TTC7B: variants seen among roughly 807,000 people sequenced by gnomAD.
The protein encoded by TTC7B is tetratricopeptide repeat domain 7B.
A neutral mutation model predicts 106.8 loss-of-function variants in TTC7B; 28 were observed. That is an observed-to-expected ratio of 0.26 (90% CI 0.19 to 0.36). The LOEUF (loss-of-function observed/expected upper bound fraction) is 0.36, where lower values mean the gene tolerates loss of function less well. Among genes scored for constraint, TTC7B ranks in the 10% least tolerant of loss-of-function variants. TTC7B has a pLI of 1.00. For synonymous variants in TTC7B, 405 were observed against 430.6 expected, an observed-to-expected ratio of 0.94 and a Z score of 0.74; for missense variants, 862 against 1,076.4, an observed-to-expected ratio of 0.80 and a Z score of 2.79.
intron 16 of TTC7B, among the ~76,000 whole-genome samples, chr14:90,616,041 A>G (rs748132454): frequency 1.3e-5 from 2 of 151,990 alleles, no homozygotes; most frequent in Non-Finnish European, 2.9e-5. Context: ...CAATTCTGCT[A>G]TTTTTTTCTC....
At chr14:90,606,229 C>A (rs1892633193) in intron 17 of TTC7B, among the ~76,000 whole-genome samples, 4 of 152,128 alleles carry the variant, frequency 2.6e-5, no homozygotes, top group Non-Finnish European at 5.9e-5. Flanking sequence ...ATGGTCCCAG[C>A]ATTATGACAA....
chr14:90,547,516 C>G (rs1889888440), intron 19 of TTC7B, among the ~76,000 whole-genome samples: 1 of 152,226 alleles, frequency 6.6e-6, no homozygotes, highest in African/African-American at 2.4e-5. Context: ...ACTTTGGAGG[C>G]TGGACACTGT....
At chr14:90,694,907 C>A in intron 6 of TTC7B, among the ~76,000 whole-genome samples, 1 of 49,396 alleles carries the variant, frequency 2.0e-5, no homozygotes, top group Non-Finnish European at 3.9e-5. Flanking sequence ...ATATATGTCA[C>A]ATATATTTAT....
intron 3 of TTC7B, among the ~76,000 whole-genome samples, chr14:90,746,482 A>G (rs1889972039): frequency 6.6e-6 from 1 of 152,156 alleles, no homozygotes; most frequent in Non-Finnish European, 1.5e-5. Flanking sequence ...TCAGAGGTTT[A>G]TCAATTTTAC....
intron 15 of TTC7B, among the ~76,000 whole-genome samples, chr14:90,629,972 G>A (rs1428209877): frequency 6.6e-6 from 1 of 152,204 alleles, no homozygotes. Context: ...TTAAACTGGG[G>A]GACACCAGTC....
chr14:90,735,683 A>G (rs1388010885), intron 4 of TTC7B, among the ~76,000 whole-genome samples: 1 of 151,794 alleles, frequency 6.6e-6, no homozygotes, highest in African/African-American at 2.4e-5. Context: ...ACACAGCGAA[A>G]CCTCATCACT....
At chr14:90,555,477 G>A (rs552526705) in intron 19 of TTC7B, among the ~76,000 whole-genome samples, 8 of 152,308 alleles carry the variant, frequency 5.3e-5, no homozygotes, top group South Asian at 2.1e-4. Context: ...TCGCGTGCAC[G>A]CTGAGGGGTG....
intron 1 of TTC7B, among the ~76,000 whole-genome samples, chr14:90,791,062 C>T (rs553344197): frequency 6.6e-6 from 1 of 152,270 alleles, no homozygotes; most frequent in East Asian, 1.9e-4. Flanking sequence ...GCACCCCCAC[C>T]ACAGGGAGAC....
At chr14:90,721,744 C>A (rs1312524329) in intron 5 of TTC7B, among the ~76,000 whole-genome samples, 1 of 152,132 alleles carries the variant, frequency 6.6e-6, no homozygotes. Context: ...AGTTGTGTGA[C>A]CCTGAAGAAA....
chr14:90,555,891 C>T (rs77939669), intron 19 of TTC7B, among the ~76,000 whole-genome samples: 258 of 152,368 alleles, frequency 1.7e-3, no homozygotes, highest in Middle Eastern at 0.01. Context: ...GTCCATGCAC[C>T]TGGGTGCTGC....
intron 3 of TTC7B, among the ~76,000 whole-genome samples, chr14:90,761,151 A>G (rs1890486641): frequency 6.6e-6 from 1 of 152,184 alleles, no homozygotes; most frequent in Non-Finnish European, 1.5e-5. Context: ...TGATAATAAC[A>G]CTTCCCCAAA....
At chr14:90,564,540 A>T (rs184186717) in intron 19 of TTC7B, among the ~76,000 whole-genome samples, 2 of 152,326 alleles carry the variant, frequency 1.3e-5, no homozygotes, top group Non-Finnish European at 2.9e-5. Flanking sequence ...GTAGCCAGGC[A>T]CTGACTTCTC....
chr14:90,643,276 C>T lies in TTC7B; in HGVS notation c.1751+772G>A, dbSNP rs187090391. 4.4e-3 allele frequency among the ~76,000 whole-genome samples: 676 copies of T among 151,960 alleles called. 5 individuals are homozygous for T. The highest frequency in any genetic ancestry group is 0.02 in the Admixed American group (308 of 15,260). On this transcript the variant is annotated intron_variant, in intron 15 of 19. Coordinates refer to ENST00000328459, the MANE Select transcript of TTC7B (RefSeq NM_001010854.2). ...ACAAAAAATTAGCTGGGTGTGGTGG[C>T]AGGCGCCTGTAGTCCCAGCTACTAG... is the stretch of plus-strand genomic sequence containing the variant.
At chr14:90,640,381 C>T (rs527802034) in intron 15 of TTC7B, among the ~76,000 whole-genome samples, 4 of 152,188 alleles carry the variant, frequency 2.6e-5, no homozygotes, top group African/African-American at 9.6e-5. Flanking sequence ...TGTCAGGTGA[C>T]AGGCAAAAGG....
At chr14:90,651,981 T>C (rs1396344995) in intron 13 of TTC7B, among the ~76,000 whole-genome samples, 1 of 152,202 alleles carries the variant, frequency 6.6e-6, no homozygotes, top group African/African-American at 2.4e-5. Context: ...CAGATATATT[T>C]AAAGTGACAG....
chr14:90,747,603 G>T (rs146037887), intron 3 of TTC7B, among the ~76,000 whole-genome samples: 1 of 152,174 alleles, frequency 6.6e-6, no homozygotes, highest in Non-Finnish European at 1.5e-5. Flanking sequence ...CTCTGTTGTT[G>T]TTGGGTGGAA....
intron 17 of TTC7B, among the ~76,000 whole-genome samples, chr14:90,606,099 A>G (rs996914833): frequency 6.6e-6 from 1 of 152,258 alleles, no homozygotes; most frequent in South Asian, 2.1e-4. Flanking sequence ...TTGCTTTTCA[A>G]CTGGAAAGGG....
Position 90,676,913 on chromosome 14 carries a change from C to T in TTC7B, c.1015-253G>A, listed in dbSNP as rs566263397. On this transcript the variant is annotated intron_variant, in intron 8 of 19. Transcript: ENST00000328459. ...GAGGGCACCTGTACCTGTCGACAGG[C>T]ATCTGGAGGAAGCCTTGGCAGCCGA... is the stretch of plus-strand genomic sequence containing the variant. Among the ~76,000 whole-genome samples, 8 of 152,294 alleles carry T rather than the reference C, an allele frequency of 5.3e-5. No individual in the cohort carries two copies. In the South Asian group the frequency reaches 1.7e-3, roughly 32 times the overall value.
chr14:90,758,474 G>T (rs1203823024), intron 3 of TTC7B, among the ~76,000 whole-genome samples: 2 of 130,126 alleles, frequency 1.5e-5, no homozygotes, highest in Admixed American at 1.5e-4. Flanking sequence ...GCGGGGCGGG[G>T]CAGGGGGGGC....
Sources: gnomAD v4.1 joint callset for allele counts (sites outside exome capture counted in the v4.1 genomes callset) on GRCh38, gnomAD v4.1.1 for gene constraint, MANE v1.5 for transcripts, NCBI Gene and HGNC (gene_info 2026-07-23, HGNC 2026-07-21) for gene names.